The following DUSP5 variants were observed in gnomAD, a reference collection of about 807,000 sequenced individuals.
DUSP5 encodes dual specificity phosphatase 5.
Under a neutral mutation model 33.6 loss-of-function variants are expected in DUSP5, and 22 were observed. That is an observed-to-expected ratio of 0.66 (90% CI 0.47 to 0.94). The LOEUF (loss-of-function observed/expected upper bound fraction) is 0.94. Among genes scored for constraint, DUSP5 ranks in the 40% least tolerant of loss-of-function variants. The pLI is 0.00. For missense variants in DUSP5, 551 were observed against 522.1 expected (o/e 1.06, Z -0.54); for synonymous variants, 270 against 231.1 (o/e 1.17, Z -1.53).
In DUSP5 at chr10:110,510,230, C is replaced by T. The variant is rs984792700; in HGVS notation, c.959C>T (p.Ser320Phe). 1.2e-6 allele frequency: 2 copies of T among 1,614,202 alleles called. No individual in the cohort carries two copies. Among genetic ancestry groups the T allele is most frequent in the Non-Finnish European group, 1.7e-6 (2 of 1,180,024 alleles). Reference sequence around the variant, plus strand: ...CAGTACGAATCTGAGATCCTGCCCTCCACGCCCAACCCCCAGCCTCCCTCC... The same window carrying T: ...CAGTACGAATCTGAGATCCTGCCCTTCACGCCCAACCCCCAGCCTCCCTCC... ...LLQYESEILP[S>F]TPNPQPPSCQ... The change falls in exon 4 of 4, where the codon TCC becomes TTC. Residue 320 changes from serine to phenylalanine, a missense_variant. Coordinates refer to ENST00000369583, the MANE Select transcript of DUSP5 (RefSeq NM_004419.4).
chr10:110,499,466 G>A (rs1403077996), intron 1 of DUSP5, among the ~76,000 whole-genome samples: 1 of 152,212 alleles, frequency 6.6e-6, no homozygotes, highest in Non-Finnish European at 1.5e-5. Context: ...CCCCAGCAGG[G>A]CCCCAAGGCC....
At chr10:110,503,619 A>G (rs548962870) in intron 2 of DUSP5, 3 of 152,404 alleles carry the variant, frequency 2.0e-5, no homozygotes, top group Admixed American at 1.3e-4. Flanking sequence ...CAAATCTGGC[A>G]GAAGCCAGAG....
chr10:110,501,067 T>TTCCCATCCAAA (rs1184451667), intron 1 of DUSP5, among the ~76,000 whole-genome samples: 1 of 152,202 alleles, frequency 6.6e-6, no homozygotes, highest in Non-Finnish European at 1.5e-5. Flanking sequence ...GAACTCCAAA[T>TTCCCATCCAAA]TCCCATCCAA....
intron 3 of DUSP5, among the ~76,000 whole-genome samples, chr10:110,509,699 C>G (rs1860162400): frequency 6.6e-6 from 1 of 152,250 alleles, no homozygotes; most frequent in Non-Finnish European, 1.5e-5. Flanking sequence ...CAGGAAGGGA[C>G]TGCTCCAGGT....
chr10:110,506,877 C>A, intron 2 of DUSP5, 58 bp from the exon 3 acceptor site: 1 of 1,562,584 alleles, frequency 6.4e-7, no homozygotes, highest in Non-Finnish European at 8.8e-7. Flanking sequence ...GTTTTTTCCT[C>A]TCTCAAATGA....
rs1322205608 is a variant in DUSP5 at position 110,510,058 on chromosome 10, T to C, written c.787T>C (p.Cys263Arg). 6.2e-7 allele frequency: 1 copy of C among 1,612,226 alleles called. No homozygotes were observed. ...REKGGKVLVH[C>R]EAGISRSPTI... ...AAAGGGAGGCAAGGTCCTGGTCCAC[T>C]GTGAGGCTGGGATCTCCCGTTCACC... The change falls in exon 4 of 4, where the codon TGT becomes CGT. Residue 263 changes from cysteine to arginine, a missense_variant. Physicochemically the swap from Cys to Arg is radical, Grantham distance 180. Transcript: ENST00000369583.
intron 2 of DUSP5, among the ~76,000 whole-genome samples, chr10:110,504,581 A>G (rs948936952): frequency 3.3e-5 from 5 of 152,302 alleles, no homozygotes; most frequent in Admixed American, 2.6e-4. Context: ...CCCATAAGTC[A>G]TCAGTGGCCA....
chr10:110,506,994 G>C lies in DUSP5; in HGVS notation c.588G>C (p.Lys196Asn). ...TTGGAAGTGCCTACCATGCATCCAAGTGCGAGTTCCTCGCCAACCTGCACA... is the reference window on the plus strand; with the variant it reads ...TTGGAAGTGCCTACCATGCATCCAACTGCGAGTTCCTCGCCAACCTGCACA... ...LYLGSAYHAS[K>N]CEFLANLHIT... is the part of the protein sequence containing the mutation. Residue 196 changes from lysine (K) to asparagine (N), a missense_variant, in exon 3 of 4, where the codon AAG (lysine) becomes AAC (asparagine). Around this residue, in one of 3 missense-constraint regions of DUSP5, gnomAD observed 381 missense variants for 310.4 expected, o/e 1.23. Coordinates refer to ENST00000369583, the MANE Select transcript of DUSP5 (RefSeq NM_004419.4). 1 of 1,614,240 alleles carries C rather than the reference G, an allele frequency of 6.2e-7. No individual in the cohort carries two copies. Among genetic ancestry groups the C allele is most frequent in the Non-Finnish European group, 8.5e-7 (1 of 1,180,046 alleles).
chr10:110,498,324 A>T lies in DUSP5; in HGVS notation c.203A>T (p.Asp68Val), dbSNP rs1421334848. The part of the protein sequence containing the change: ...GAVSARYVLP[D>V]EAARARLLQE... ...GTGTCGGCGCGCTACGTGCTGCCCG[A>T]CGAGGCGGCGCGCGCGCGGCTCCTG... The change falls in exon 1 of 4, where the codon GAC becomes GTC. Residue 68 changes from aspartate (D) to valine (V), a missense_variant. Asp to Val is a radical substitution (Grantham distance 152, BLOSUM62 -3). Around this residue, in one of 3 missense-constraint regions of DUSP5, gnomAD observed 381 missense variants for 310.4 expected, o/e 1.23. Transcript: ENST00000369583. The T allele has an allele frequency of 7.4e-7, 1 of 1,358,004 alleles. No individual in the cohort carries two copies. The highest frequency in any genetic ancestry group is 9.4e-7 in the Non-Finnish European group (1 of 1,058,990). 84.1% of individuals were successfully genotyped at this position (1,358,004 alleles called of 1,614,324 possible). A position where few individuals can be genotyped will look rare whatever the true frequency, so the allele number is the denominator to read the frequency against.
intron 2 of DUSP5, 45 bp from the exon 3 acceptor site, chr10:110,506,890 A>G (rs1039012767): frequency 3.1e-6 from 5 of 1,589,224 alleles, no homozygotes; most frequent in Non-Finnish European, 4.3e-6. Context: ...TCAAATGAAC[A>G]AGCTAATCCA....
chr10:110,505,913 C>T (rs1037408960), intron 2 of DUSP5, among the ~76,000 whole-genome samples: 1 of 152,128 alleles, frequency 6.6e-6, no homozygotes, highest in Non-Finnish European at 1.5e-5. Flanking sequence ...GCTCTGTAAG[C>T]GGGTCTCACC....
At chr10:110,502,976 A>G (rs1481788065) in intron 2 of DUSP5, 107 bp downstream of exon 2, 34 of 1,457,256 alleles carry the variant, frequency 2.3e-5, no homozygotes, top group Non-Finnish European at 3.0e-5. Context: ...AATGATGGTT[A>G]GTTCTTTTGT....
Position 110,510,134 on chromosome 10 carries a change from A to G in DUSP5, c.863A>G (p.Glu288Gly), listed in dbSNP as rs562848514. Residue 288 changes from glutamate (E) to glycine (G), a missense_variant, in exon 4 of 4, where the codon GAG (glutamate) becomes GGG (glycine). Glu to Gly is a moderately conservative substitution (Grantham distance 98, BLOSUM62 -2). Coordinates refer to ENST00000369583, the MANE Select transcript of DUSP5 (RefSeq NM_004419.4). ...AAGACCAAGCAGTTCCGCCTGAAGG[A>G]GGCCTTCGATTACATCAAGCAGAGG... ...LMKTKQFRLK[E>G]AFDYIKQRRS... 3 of 1,614,136 alleles carry G rather than the reference A, an allele frequency of 1.9e-6. No individual in the cohort carries two copies. The highest frequency in any genetic ancestry group is 2.2e-5 in the South Asian group (2 of 91,080).
intron 2 of DUSP5, among the ~76,000 whole-genome samples, chr10:110,505,434 T>C (rs1860106535): frequency 6.6e-6 from 1 of 152,262 alleles, no homozygotes; most frequent in Non-Finnish European, 1.5e-5. Context: ...CAGTTGTTAT[T>C]ACCGTATGTA....
Position 110,511,175 on chromosome 10 carries a change from A to G in DUSP5, c.*749A>G, listed in dbSNP as rs1018022571. The G allele has an allele frequency of 6.6e-6, 1 of 152,622 alleles. No homozygotes were observed. Among genetic ancestry groups the G allele is most frequent in the African/African-American group, 2.4e-5 (1 of 41,422 alleles). 9.5% of individuals were successfully genotyped at this position (152,622 alleles called of 1,614,324 possible). On this transcript the variant is annotated 3_prime_UTR_variant, in exon 4 of 4. Coordinates refer to ENST00000369583, the MANE Select transcript of DUSP5 (RefSeq NM_004419.4). The stretch of plus-strand genomic sequence containing the variant: ...GAGTTCTTCAGATCATAGACCAAAA[A>G]AGTCATACCTTCGAGGTGGTAGCAG...
chr10:110,498,108 G>C lies in DUSP5; in HGVS notation c.-14G>C, dbSNP rs554331574. ...GCGCGCGGCGCGGGGCCGCTGGCCG[G>C]CGGCGGCGGCGGCATGAAGGTCACG... On this transcript the variant is annotated 5_prime_UTR_variant, in exon 1 of 4. Transcript: ENST00000369583. The C allele has an allele frequency of 4.1e-4, 524 of 1,285,636 alleles. 1 individual carries two copies. The African/African-American group carries it at 7.4e-3, about 18-fold the overall frequency. The allele number at this position is 1,285,636 out of a possible 1,614,324, so 79.6% of individuals were successfully genotyped here. A position where few individuals can be genotyped will look rare whatever the true frequency, so the allele number is the denominator to read the frequency against.
At chr10:110,508,714 G>A (rs904520254) in intron 3 of DUSP5, among the ~76,000 whole-genome samples, 6 of 152,230 alleles carry the variant, frequency 3.9e-5, no homozygotes, top group African/African-American at 9.6e-5. Context: ...ACAGAGGAGC[G>A]AAGGGAGATA....
At chr10:110,504,903 G>T (rs1731162815) in intron 2 of DUSP5, among the ~76,000 whole-genome samples, 1 of 152,192 alleles carries the variant, frequency 6.6e-6, no homozygotes, top group Admixed American at 6.5e-5. Context: ...GAGACAAAGG[G>T]TCATAGATTA....
intron 2 of DUSP5, among the ~76,000 whole-genome samples, chr10:110,505,478 C>T (rs1170933389): frequency 2.6e-5 from 4 of 152,238 alleles, no homozygotes; most frequent in African/African-American, 9.6e-5. Context: ...AGTGACTGAA[C>T]TGGCCTTTGC....
Sources: allele counts gnomAD v4.1 joint callset (sites outside exome capture counted in the v4.1 genomes callset), GRCh38; gene constraint gnomAD v4.1.1; regional missense constraint gnomAD v4.1.1; transcripts MANE v1.5; gene names NCBI Gene and HGNC (gene_info 2026-07-23, HGNC 2026-07-21).